The following CXCL13 variants were observed in gnomAD, a reference collection of about 807,000 sequenced individuals.
CXCL13 encodes C-X-C motif chemokine ligand 13, also known as C-X-C motif chemokine 13.
CXCL13 carries 7 observed loss-of-function variants against 12.2 expected under a neutral mutation model. The observed-to-expected ratio is 0.57, with a 90% CI of 0.33 to 1.07. The LOEUF is 1.07. Ranked by LOEUF, CXCL13 falls within the 50% of genes least tolerant of loss-of-function variation. The pLI, the probability that CXCL13 is intolerant of heterozygous loss-of-function variation, is 0.04. For synonymous variants in CXCL13, 47 were observed against 42.4 expected, an observed-to-expected ratio of 1.11 and a Z score of -0.42; for missense variants, 113 against 127.4, an observed-to-expected ratio of 0.89 and a Z score of 0.55.
intron 1 of CXCL13, among the ~76,000 whole-genome samples, chr4:77,522,999 T>A (rs1023128793): frequency 6.6e-6 from 1 of 152,204 alleles, no homozygotes; most frequent in African/African-American, 2.4e-5. Context: ...AAATTCTAGG[T>A]TGAAAATTCT....
rs373711402 is a variant in CXCL13 at position 77,574,763 on chromosome 4, G to A, written c.-42-31061G>A. 1.7e-4 allele frequency among the ~76,000 whole-genome samples: 26 copies of A among 151,938 alleles called. No homozygotes were observed. In the East Asian group the frequency reaches 3.7e-3, roughly 21 times the overall value. ...TGCCTGTCTGTGTAGTTAGATATCC[G>A]TTGTGTGTGTGATGTCTATAACAAG... On this transcript the variant is annotated intron_variant, in intron 1 of 4. Transcript: ENST00000286758.
intron 1 of CXCL13, among the ~76,000 whole-genome samples, chr4:77,517,637 T>A (rs1724461597): frequency 6.6e-6 from 1 of 152,190 alleles, no homozygotes; most frequent in African/African-American, 2.4e-5. Flanking sequence ...AGCCCCTGCC[T>A]TTTTTTGTTT....
At chr4:77,586,106 T>C (rs544072339) in intron 1 of CXCL13, among the ~76,000 whole-genome samples, 2 of 152,320 alleles carry the variant, frequency 1.3e-5, no homozygotes, top group African/African-American at 4.8e-5. Context: ...AGTTTTATAA[T>C]GGGGTAATTG....
At chr4:77,593,653 G>T (rs909714218) in intron 1 of CXCL13, among the ~76,000 whole-genome samples, 7 of 152,156 alleles carry the variant, frequency 4.6e-5, no homozygotes, top group African/African-American at 7.2e-5. Context: ...CCTTTTTATA[G>T]ATGAGAACAT....
intron 1 of CXCL13, among the ~76,000 whole-genome samples, chr4:77,535,347 C>T (rs778410416): frequency 1.1e-4 from 17 of 152,140 alleles, no homozygotes; most frequent in East Asian, 9.6e-4. Context: ...CCCTTATAGG[C>T]GTACCCTTTC....
rs570032198 is a variant in CXCL13, at chr4:77,611,428, T to G, written c.*389T>G. ...TTAAGAAGAAAATTATGGCATATAT[T>G]AAAAGCAGGCTTCTATGAAAGACTC... On this transcript the variant is annotated 3_prime_UTR_variant, in exon 4 of 4. Coordinates refer to ENST00000682537, the MANE Select transcript of CXCL13 (RefSeq NM_001371558.1). 2.6e-6 allele frequency: 1 copy of G among 382,548 alleles called. No individual in the cohort carries two copies. The highest frequency in any genetic ancestry group is 1.4e-4 in the South Asian group (1 of 6,984). The allele number at this position is 382,548 out of a possible 1,614,324, so 23.7% of individuals were successfully genotyped here.
chr4:77,566,373 T>G (rs1725924198), intron 1 of CXCL13, among the ~76,000 whole-genome samples: 1 of 152,204 alleles, frequency 6.6e-6, no homozygotes, highest in African/African-American at 2.4e-5. Flanking sequence ...AACTTTGACT[T>G]GCTAATTGGC....
chr4:77,517,276 A>T (rs1724447652), intron 1 of CXCL13, among the ~76,000 whole-genome samples: 1 of 152,118 alleles, frequency 6.6e-6, no homozygotes, highest in South Asian at 2.1e-4. Context: ...AAAAAAATGT[A>T]TATTCTGTTG....
chr4:77,543,655 T>A (rs2109802460), intron 1 of CXCL13, among the ~76,000 whole-genome samples: 1 of 152,264 alleles, frequency 6.6e-6, no homozygotes, highest in East Asian at 1.9e-4. Context: ...TTCATGTAAT[T>A]GTGTGATTTG....
chr4:77,605,208 G>A (rs182233508), upstream of CXCL13, among the ~76,000 whole-genome samples: 2 of 152,250 alleles, frequency 1.3e-5, no homozygotes, highest in Admixed American at 1.3e-4. Flanking sequence ...CAAAGCAGGG[G>A]ACTCCTACTG....
chr4:77,515,903 C>T (rs1724404672), intron 1 of CXCL13, among the ~76,000 whole-genome samples: 2 of 152,166 alleles, frequency 1.3e-5, no homozygotes, highest in African/African-American at 2.4e-5. Flanking sequence ...AAAGGGAATG[C>T]TTCCAGTTTT....
chr4:77,550,120 G>C (rs1452504664), intron 1 of CXCL13, among the ~76,000 whole-genome samples: 2 of 152,214 alleles, frequency 1.3e-5, no homozygotes, highest in Non-Finnish European at 2.9e-5. Context: ...CAGTGAGCAA[G>C]GCTCTGTTGG....
At chr4:77,569,813 C>T (rs1349320570) in intron 1 of CXCL13, among the ~76,000 whole-genome samples, 1 of 152,150 alleles carries the variant, frequency 6.6e-6, no homozygotes, top group Non-Finnish European at 1.5e-5. Context: ...GTCCAAATAG[C>T]CAAGGCAATC....
intron 1 of CXCL13, among the ~76,000 whole-genome samples, chr4:77,537,221 A>G (rs1244392746): frequency 6.6e-6 from 1 of 152,224 alleles, no homozygotes; most frequent in Non-Finnish European, 1.5e-5. Context: ...TACTACTGCA[A>G]CCCCTAGACC....
chr4:77,570,701 G>T (rs934099083), intron 1 of CXCL13, among the ~76,000 whole-genome samples: 1 of 152,310 alleles, frequency 6.6e-6, no homozygotes, highest in Middle Eastern at 3.4e-3. Flanking sequence ...TGCGCGCAGC[G>T]CTTGTGGGCC....
chr4:77,516,098 G>A (rs1035065519), intron 1 of CXCL13, among the ~76,000 whole-genome samples: 1 of 152,134 alleles, frequency 6.6e-6, no homozygotes, highest in Non-Finnish European at 1.5e-5. Context: ...CTGTTTATAT[G>A]CTGGATTACA....
intron 1 of CXCL13, among the ~76,000 whole-genome samples, chr4:77,556,751 A>G (rs923857058): frequency 2.6e-5 from 4 of 152,196 alleles, no homozygotes; most frequent in Non-Finnish European, 5.9e-5. Context: ...AGAAAATGGG[A>G]AACAAGATTG....
chr4:77,605,959 T>C (rs1345413592), intron 1 of CXCL13, 30 bp downstream of exon 1: 3 of 1,515,788 alleles, frequency 2.0e-6, no homozygotes, highest in Admixed American at 3.4e-5. Context: ...TTTCACTGTT[T>C]GTTGAACAGA....
intron 1 of CXCL13, among the ~76,000 whole-genome samples, chr4:77,580,801 C>T (rs1032896425): frequency 2.3e-5 from 3 of 133,218 alleles, no homozygotes; most frequent in African/African-American, 8.4e-5. Flanking sequence ...TCCCCTTCTC[C>T]TTCCCTCCCC....
Sources: allele counts gnomAD v4.1 joint callset (sites outside exome capture counted in the v4.1 genomes callset), GRCh38; gene constraint gnomAD v4.1.1; transcripts MANE v1.5; gene names NCBI Gene and HGNC (gene_info 2026-07-23, HGNC 2026-07-21).